Variants in KCNH1 observed in about 807,000 individuals in gnomAD.
KCNH1 encodes potassium voltage-gated channel subfamily H member 1, also known as voltage-gated delayed rectifier potassium channel KCNH1.
In KCNH1, 27 loss-of-function variants were observed where a neutral mutation model predicts 69.2. That is an observed-to-expected ratio of 0.39 (90% confidence interval 0.29 to 0.54). The LOEUF (loss-of-function observed/expected upper bound fraction) is 0.54. Among genes scored for constraint, KCNH1 ranks in the 20% least tolerant of loss-of-function variants. The pLI is 0.68. For synonymous variants in KCNH1, 456 were observed against 487.7 expected, an observed-to-expected ratio of 0.93 and a Z score of 0.86; for missense variants, 798 against 1,261.6, an observed-to-expected ratio of 0.63 and a Z score of 5.57.
chr1:210,999,737 T>C (rs1213719296), intron 6 of KCNH1, among the ~76,000 whole-genome samples: 2 of 152,216 alleles, frequency 1.3e-5, no homozygotes, highest in Non-Finnish European at 2.9e-5. Context: ...ACCAATATCC[T>C]TGATGAACAC....
chr1:211,051,012 T>TG (rs1690196364), intron 5 of KCNH1, among the ~76,000 whole-genome samples: 1 of 148,014 alleles, frequency 6.8e-6, no homozygotes, highest in African/African-American at 2.5e-5. Context: ...TTGTTGTTGT[T>TG]TTGAGAGAAG....
chr1:210,806,918 A>T (rs779479027), intron 7 of KCNH1, among the ~76,000 whole-genome samples: 5 of 143,384 alleles, frequency 3.5e-5, no homozygotes, highest in Non-Finnish European at 7.5e-5. Context: ...GAGGCAGGAG[A>T]ATCGCTTGAA....
At chr1:210,862,003 A>G in intron 7 of KCNH1, 5 of 769,150 alleles carry the variant, frequency 6.5e-6, no homozygotes, top group Non-Finnish European at 7.2e-6. Flanking sequence ...GGCTTCTACA[A>G]TATTTTCTCA....
intron 7 of KCNH1, among the ~76,000 whole-genome samples, chr1:210,804,448 G>A (rs1215553083): frequency 6.6e-6 from 1 of 152,248 alleles, no homozygotes; most frequent in African/African-American, 2.4e-5. Context: ...CTAAGACACA[G>A]CAGTGGGGGC....
chr1:211,091,529 G>A (rs959245425), intron 3 of KCNH1, among the ~76,000 whole-genome samples: 1 of 152,058 alleles, frequency 6.6e-6, no homozygotes, highest in Non-Finnish European at 1.5e-5. Flanking sequence ...CAATACAATG[G>A]TAAATGACAA....
intron 3 of KCNH1, among the ~76,000 whole-genome samples, chr1:211,097,368 A>G (rs1691175973): frequency 6.6e-6 from 1 of 152,226 alleles, no homozygotes; most frequent in Non-Finnish European, 1.5e-5. Flanking sequence ...GAACTTCCTA[A>G]GCATTATATA....
chr1:210,818,365 T>C (rs1164721387), intron 7 of KCNH1, among the ~76,000 whole-genome samples: 1 of 152,162 alleles, frequency 6.6e-6, no homozygotes, highest in South Asian at 2.1e-4. Context: ...TAGGAAATAA[T>C]TCTCTTGCCA....
At chr1:210,800,310 C>T (rs1684403363) in intron 8 of KCNH1, among the ~76,000 whole-genome samples, 1 of 152,240 alleles carries the variant, frequency 6.6e-6, no homozygotes, top group Non-Finnish European at 1.5e-5. Context: ...GTCCTCTGCT[C>T]TCCAAGCAGA....
chr1:211,023,089 C>T (rs1022690450), intron 5 of KCNH1, among the ~76,000 whole-genome samples: 9 of 149,354 alleles, frequency 6.0e-5, no homozygotes, highest in South Asian at 4.2e-4. Flanking sequence ...CCAGCCTGGG[C>T]GACAGAGCTA....
chr1:210,936,738 A>G (rs1301456857), intron 6 of KCNH1, among the ~76,000 whole-genome samples: 1 of 152,220 alleles, frequency 6.6e-6, no homozygotes, highest in Non-Finnish European at 1.5e-5. Flanking sequence ...TTTAATGTCC[A>G]TGAGGAAAAA....
intron 5 of KCNH1, among the ~76,000 whole-genome samples, chr1:211,077,539 T>C (rs1690758160): frequency 6.6e-6 from 1 of 152,086 alleles, no homozygotes; most frequent in South Asian, 2.1e-4. Flanking sequence ...AATAAAATAC[T>C]TTACAGACAA....
chr1:210,692,162 C>A (rs1010855524), intron 10 of KCNH1, among the ~76,000 whole-genome samples: 1 of 152,182 alleles, frequency 6.6e-6, no homozygotes, highest in Non-Finnish European at 1.5e-5. Flanking sequence ...TCAGTGACAT[C>A]CCATCATCTT....
Position 211,018,815 on chromosome 1 carries a change from T to C in KCNH1, c.1000A>G (p.Ile334Val), listed in dbSNP as rs1348517362. The change falls in exon 6 of 11, where the codon ATT becomes GTT. Residue 334 changes from isoleucine to valine, a missense_variant. Physicochemically the swap from Ile to Val is conservative, Grantham distance 29 (BLOSUM62 3). Transcript: ENST00000271751. ...TCTCTCCCCTCCAGTGGTGGTGGAA[T>C]CTGATCAGCAAAACCAATCTTCCCT... ...DPGKIGFADQIPPPLEGRESQ... is the reference protein window; with the variant it reads ...DPGKIGFADQVPPPLEGRESQ... The C allele has an allele frequency of 6.2e-7, 1 of 1,612,580 alleles. No individual in the cohort carries two copies. Among genetic ancestry groups the C allele is most frequent in the African/African-American group, 1.3e-5 (1 of 74,896 alleles).
At chr1:211,051,876 A>G (rs889511958) in intron 5 of KCNH1, among the ~76,000 whole-genome samples, 9 of 152,232 alleles carry the variant, frequency 5.9e-5, no homozygotes, top group African/African-American at 2.2e-4. Context: ...AAAGTCACAC[A>G]GCTGGAATGT....
At chr1:210,936,017 A>G (rs1018778955) in intron 6 of KCNH1, among the ~76,000 whole-genome samples, 3 of 152,144 alleles carry the variant, frequency 2.0e-5, no homozygotes, top group African/African-American at 7.2e-5. Context: ...TCTCTGCTCG[A>G]TTTTATTTTT....
At chr1:211,090,786 T>C (rs1691037979) in intron 3 of KCNH1, 96 bp from the exon 4 acceptor site, 3 of 1,152,052 alleles carry the variant, frequency 2.6e-6, no homozygotes, top group Non-Finnish European at 3.7e-6. Flanking sequence ...CAAATATTAA[T>C]TCATTTTTTA....
At chr1:210,974,700 A>ACTTGGGAGG (rs1248662176) in intron 6 of KCNH1, among the ~76,000 whole-genome samples, 1 of 151,530 alleles carries the variant, frequency 6.6e-6, no homozygotes, top group Non-Finnish European at 1.5e-5. Flanking sequence ...AGTAGCTGGG[A>ACTTGGGAGG]CTACAGGTGC....
chr1:210,703,217 T>A (rs918628932), intron 10 of KCNH1, among the ~76,000 whole-genome samples: 3 of 152,218 alleles, frequency 2.0e-5, no homozygotes, highest in Admixed American at 2.0e-4. Flanking sequence ...TACTTGTAAT[T>A]TATGACAAAA....
intron 6 of KCNH1, among the ~76,000 whole-genome samples, chr1:210,992,201 C>T (rs1379324356): frequency 6.6e-6 from 1 of 152,180 alleles, no homozygotes; most frequent in Non-Finnish European, 1.5e-5. Flanking sequence ...CACCGCAATT[C>T]AGAGGATAAC....
Sources: allele counts gnomAD v4.1 joint callset (sites outside exome capture counted in the v4.1 genomes callset), GRCh38; gene constraint gnomAD v4.1.1; transcripts MANE v1.5; gene names NCBI Gene and HGNC (gene_info 2026-07-23, HGNC 2026-07-21).